Variants in ADAMTS3 observed in about 807,000 individuals in gnomAD.
ADAMTS3 encodes the protein A disintegrin and metalloproteinase with thrombospondin motifs 3.
Under a neutral mutation model 129.0 loss-of-function variants are expected in ADAMTS3, and 73 were observed. The observed-to-expected ratio is 0.57, with a 90% confidence interval of 0.47 to 0.69. ADAMTS3 has a LOEUF of 0.69. ADAMTS3 is among the 30% of genes least tolerant of loss of function. The probability of loss-of-function intolerance (pLI) is 0.00; values close to 1 mark genes in which losing one functional copy is unlikely to be tolerated. For missense variants in ADAMTS3, 1,457 were observed against 1,514.5 expected (o/e 0.96, Z 0.63); for synonymous variants, 477 against 510.8 (o/e 0.93, Z 0.89).
chr4:72,455,932 A>ACG (rs1275921522), intron 3 of ADAMTS3, among the ~76,000 whole-genome samples: 4,956 of 108,880 alleles, frequency 0.046, 617 homozygotes, highest in Non-Finnish European at 0.064. Context: ...TATATATTTT[A>ACG]TATATAGTAT....
intron 2 of ADAMTS3, 82 bp from the exon 3 acceptor site, chr4:72,548,966 C>A: frequency 7.8e-7 from 1 of 1,275,208 alleles, no homozygotes; most frequent in East Asian, 2.4e-5. Flanking sequence ...AGCTGCCCAC[C>A]TCACAAGACC....
intron 17 of ADAMTS3, among the ~76,000 whole-genome samples, chr4:72,303,399 G>T (rs1269360091): frequency 6.6e-6 from 1 of 151,556 alleles, no homozygotes; most frequent in Non-Finnish European, 1.5e-5. Flanking sequence ...GGGAAAACAG[G>T]GAATAAAAAA....
intron 3 of ADAMTS3, among the ~76,000 whole-genome samples, chr4:72,458,911 C>T (rs1216357097): frequency 2.0e-5 from 3 of 151,398 alleles, no homozygotes; most frequent in South Asian, 2.1e-4. Flanking sequence ...AAAAATGACC[C>T]GATTTTATCA....
intron 4 of ADAMTS3, among the ~76,000 whole-genome samples, chr4:72,378,702 TTATC>T (rs1250783753): frequency 1.3e-5 from 2 of 152,118 alleles, no homozygotes; most frequent in Non-Finnish European, 2.9e-5. Context: ...TCCCATTATC[TTATC>T]TTTCTATTGC....
intron 3 of ADAMTS3, among the ~76,000 whole-genome samples, chr4:72,432,147 G>A (rs1369310551): frequency 6.6e-6 from 1 of 151,850 alleles, no homozygotes; most frequent in Non-Finnish European, 1.5e-5. Context: ...AGGTACATAG[G>A]AGAACTGTAA....
At chr4:72,380,723 T>C (rs913251288) in intron 4 of ADAMTS3, among the ~76,000 whole-genome samples, 1 of 152,110 alleles carries the variant, frequency 6.6e-6, no homozygotes, top group Admixed American at 6.6e-5. Flanking sequence ...CAATATTAAA[T>C]ACATATTGTT....
chr4:72,490,475 A>G (rs554762862), intron 3 of ADAMTS3, among the ~76,000 whole-genome samples: 134 of 152,022 alleles, frequency 8.8e-4, no homozygotes, highest in African/African-American at 3.2e-3. Context: ...CTACTTTGGC[A>G]ATTTCAGGTC....
chr4:72,414,169 G>T (rs1366203090), intron 4 of ADAMTS3, among the ~76,000 whole-genome samples: 1 of 151,026 alleles, frequency 6.6e-6, no homozygotes, highest in Non-Finnish European at 1.5e-5. Context: ...TCTCCCCAAA[G>T]GAAATTTTAT....
At chr4:72,491,336 T>C (rs1719739450) in intron 3 of ADAMTS3, among the ~76,000 whole-genome samples, 1 of 151,758 alleles carries the variant, frequency 6.6e-6, no homozygotes, top group Admixed American at 6.6e-5. Flanking sequence ...TCTGATACTA[T>C]GTTGAGAAGT....
chr4:72,529,192 C>A (rs1240376302), intron 3 of ADAMTS3, among the ~76,000 whole-genome samples: 1 of 152,080 alleles, frequency 6.6e-6, no homozygotes, highest in African/African-American at 2.4e-5. Flanking sequence ...GTTTGAAAGA[C>A]AAAAAGGCCA....
intron 3 of ADAMTS3, among the ~76,000 whole-genome samples, chr4:72,440,149 T>A (rs1718070564): frequency 6.6e-6 from 1 of 151,784 alleles, no homozygotes; most frequent in South Asian, 2.1e-4. Flanking sequence ...GACAATTATA[T>A]AATACTAATT....
At chr4:72,485,723 C>A (rs531650928) in intron 3 of ADAMTS3, among the ~76,000 whole-genome samples, 1 of 152,190 alleles carries the variant, frequency 6.6e-6, no homozygotes, top group East Asian at 1.9e-4. Context: ...CTGCTATGGT[C>A]TGAATGTTAG....
At chr4:72,544,480 C>A (rs1721416489) in intron 3 of ADAMTS3, among the ~76,000 whole-genome samples, 1 of 152,098 alleles carries the variant, frequency 6.6e-6, no homozygotes, top group African/African-American at 2.4e-5. Flanking sequence ...AATACTAGTG[C>A]TTCAAAATGC....
At chr4:72,411,042 T>C (rs1722172858) in intron 4 of ADAMTS3, among the ~76,000 whole-genome samples, 1 of 152,316 alleles carries the variant, frequency 6.6e-6, no homozygotes, top group East Asian at 1.9e-4. Context: ...CTTTAGATCT[T>C]ATTCTTTAAA....
At chr4:72,451,318 A>G (rs1010192847) in intron 3 of ADAMTS3, among the ~76,000 whole-genome samples, 1 of 151,774 alleles carries the variant, frequency 6.6e-6, no homozygotes. Context: ...ATGTCAGGGG[A>G]AAAAAAGTTG....
rs918029117 is a variant in ADAMTS3, at chr4:72,283,816, C to T, written c.3050-112G>A. The T allele has an allele frequency of 3.5e-6, 3 of 846,662 alleles. No individual in the cohort carries two copies. The African/African-American group carries it at 5.1e-5, about 15-fold the overall frequency. The allele number at this position is 846,662 out of a possible 1,614,324, so 52.4% of individuals were successfully genotyped here. A position where few individuals can be genotyped will look rare whatever the true frequency, so the allele number is the denominator to read the frequency against. ...AAAAAGATTTAAGTGCAATCTGACA[C>T]TAACGGGAGTGATCCACACGAGCTT... On this transcript the variant is annotated intron_variant, in intron 21 of 21. Transcript: ENST00000286657.
intron 3 of ADAMTS3, among the ~76,000 whole-genome samples, chr4:72,540,356 A>G (rs1002983976): frequency 1.3e-5 from 2 of 152,214 alleles, no homozygotes; most frequent in Non-Finnish European, 2.9e-5. Flanking sequence ...CAAAGCATTC[A>G]AGAGGCGACT....
intron 4 of ADAMTS3, among the ~76,000 whole-genome samples, chr4:72,397,033 C>G (rs1463323191): frequency 6.6e-6 from 1 of 152,108 alleles, no homozygotes; most frequent in East Asian, 1.9e-4. Context: ...TTCATGCCCT[C>G]ATCACCTCTC....
At chr4:72,317,104 A>T (rs1719417373) in intron 10 of ADAMTS3, among the ~76,000 whole-genome samples, 1 of 152,162 alleles carries the variant, frequency 6.6e-6, no homozygotes, top group South Asian at 2.1e-4. Context: ...TTATATTTTT[A>T]AAAATATCAA....
Sources: gnomAD v4.1 joint callset for allele counts (sites outside exome capture counted in the v4.1 genomes callset) on GRCh38, gnomAD v4.1.1 for gene constraint, MANE v1.5 for transcripts, NCBI Gene and HGNC (gene_info 2026-07-23, HGNC 2026-07-21) for gene names.